The following STK39 variants were observed in gnomAD, a reference collection of about 807,000 sequenced individuals.
STK39 encodes the protein serine/threonine kinase 39.
Under a neutral mutation model 77.8 loss-of-function variants are expected in STK39, and 20 were observed. That is an observed-to-expected ratio of 0.26 (90% CI 0.18 to 0.37). The LOEUF (loss-of-function observed/expected upper bound fraction) is 0.37, where lower values mean the gene tolerates loss of function less well. Ranked by LOEUF, STK39 falls within the 10% of genes least tolerant of loss-of-function variation. STK39 has a pLI of 1.00. For synonymous variants in STK39, 246 were observed against 234.1 expected, an observed-to-expected ratio of 1.05 and a Z score of -0.47; for missense variants, 479 against 656.5, an observed-to-expected ratio of 0.73 and a Z score of 2.95.
intron 5 of STK39, 31 bp from the exon 6 acceptor site, chr2:168,140,789 T>G (rs1023035744): frequency 6.5e-7 from 1 of 1,530,444 alleles, no homozygotes; most frequent in Non-Finnish European, 8.9e-7. Flanking sequence ...ACCTTTATTT[T>G]ATGTAAGACA....
At chr2:168,010,103 A>G (rs1406606993) in intron 16 of STK39, among the ~76,000 whole-genome samples, 1 of 152,248 alleles carries the variant, frequency 6.6e-6, no homozygotes, top group Non-Finnish European at 1.5e-5. Context: ...ACCTGCCAGG[A>G]TCAACTCCAA....
At position 168,028,938 on chromosome 2, in the gene STK39, G is replaced by A. The variant is rs566768750; in HGVS notation, c.1377-11843C>T. On this transcript the variant is annotated intron_variant, in intron 14 of 17. Transcript: ENST00000355999. The stretch of plus-strand genomic sequence containing the variant: ...TTATACAAACTGAACAGTATATGGC[G>A]AGGTGGGTGGAGCTGCACACATTGG... Among the ~76,000 whole-genome samples, 34 of 152,288 alleles carry A rather than the reference G, an allele frequency of 2.2e-4. No homozygotes were observed. The South Asian group carries it at 6.2e-3, about 28-fold the overall frequency.
chr2:168,023,317 T>G (rs1684614854), intron 14 of STK39, among the ~76,000 whole-genome samples: 1 of 152,012 alleles, frequency 6.6e-6, no homozygotes, highest in Non-Finnish European at 1.5e-5. Flanking sequence ...AGATACAGAT[T>G]GGCGTGCATT....
chr2:168,048,973 G>GC (rs1225136674), intron 14 of STK39, among the ~76,000 whole-genome samples: 4 of 152,220 alleles, frequency 2.6e-5, no homozygotes, highest in Non-Finnish European at 5.9e-5. Context: ...AATGCCTAAT[G>GC]CTATTGACGA....
rs183985275 is a variant in STK39 at position 168,064,579 on chromosome 2, T to G, written c.1305+740A>C. On this transcript the variant is annotated intron_variant, in intron 13 of 17. Coordinates refer to ENST00000355999, the MANE Select transcript of STK39 (RefSeq NM_013233.3). ...CCAACAAAATCACTCTAATTATCTC[T>G]CCAATATATGGCTATTTTATAAAAC... Among the ~76,000 whole-genome samples the G allele has an allele frequency of 3.2e-3, 481 of 152,230 alleles. 2 individuals carry two copies. Among genetic ancestry groups the G allele is most frequent in the African/African-American group, 0.01 (436 of 41,536 alleles).
intron 2 of STK39, among the ~76,000 whole-genome samples, chr2:168,170,957 G>A (rs1217807153): frequency 3.3e-5 from 5 of 152,192 alleles, no homozygotes. Context: ...TCAAAGATGG[G>A]AGAAACTACA....
At chr2:168,037,626 A>G (rs565426817) in intron 14 of STK39, among the ~76,000 whole-genome samples, 2 of 152,352 alleles carry the variant, frequency 1.3e-5, no homozygotes, top group South Asian at 4.1e-4. Context: ...AAAAATTACC[A>G]CAAGATACAA....
intron 14 of STK39, among the ~76,000 whole-genome samples, chr2:168,056,951 G>C (rs1475289723): frequency 6.6e-6 from 1 of 152,160 alleles, no homozygotes; most frequent in African/African-American, 2.4e-5. Context: ...GTGTGGCAGG[G>C]AACAATACTG....
chr2:168,187,920 C>A (rs1436424688), intron 1 of STK39, among the ~76,000 whole-genome samples: 2 of 151,982 alleles, frequency 1.3e-5, no homozygotes, highest in African/African-American at 4.8e-5. Flanking sequence ...TTAGTTATGG[C>A]CCCTGGAAGG....
At chr2:168,133,203 T>TG (rs1356393988) in intron 8 of STK39, among the ~76,000 whole-genome samples, 1 of 152,148 alleles carries the variant, frequency 6.6e-6, no homozygotes, top group African/African-American at 2.4e-5. Context: ...GATACGGGGC[T>TG]GGGAAAATAC....
At position 168,012,614 on chromosome 2, in the gene STK39, C is replaced by T; in HGVS notation, c.1498+20G>A. On this transcript the variant is annotated intron_variant, in intron 16 of 17. Transcript: ENST00000355999. ...TTTATATACCAACAAAATGACAGTG[C>T]ATACTAAAAAACAATTTACCTATAA... 1.9e-6 allele frequency: 3 copies of T among 1,608,266 alleles called. No individual in the cohort carries two copies. The highest frequency in any genetic ancestry group is 2.6e-6 in the Non-Finnish European group (3 of 1,176,220).
chr2:168,004,320 TA>T (rs1425644608), intron 16 of STK39, among the ~76,000 whole-genome samples: 1 of 152,130 alleles, frequency 6.6e-6, no homozygotes, highest in Non-Finnish European at 1.5e-5. Flanking sequence ...AACAGACTCC[TA>T]AAGACAGCAG....
intron 1 of STK39, among the ~76,000 whole-genome samples, chr2:168,235,690 T>A (rs1574581833): frequency 6.9e-6 from 1 of 145,916 alleles, no homozygotes; most frequent in African/African-American, 2.5e-5. Flanking sequence ...CACCTATGAG[T>A]GAGAACATGC....
intron 5 of STK39, among the ~76,000 whole-genome samples, chr2:168,158,289 G>T (rs948816421): frequency 5.3e-5 from 8 of 152,168 alleles, no homozygotes; most frequent in African/African-American, 1.9e-4. Flanking sequence ...CCCTGAGTAG[G>T]CTGTCCTCAG....
chr2:168,230,217 AAAAATC>A (rs1461678969), intron 1 of STK39, among the ~76,000 whole-genome samples: 3 of 152,206 alleles, frequency 2.0e-5, no homozygotes, highest in Non-Finnish European at 4.4e-5. Flanking sequence ...CAAAAAGTAG[AAAAATC>A]TATCTCCTTT....
At chr2:168,025,152 T>A (rs1219432001) in intron 14 of STK39, among the ~76,000 whole-genome samples, 1 of 152,174 alleles carries the variant, frequency 6.6e-6, no homozygotes, top group Non-Finnish European at 1.5e-5. Context: ...GTGTTAATGT[T>A]CCATCCCTCA....
chr2:167,976,043 ACTC>A (rs374978054), intron 16 of STK39, among the ~76,000 whole-genome samples: 4 of 152,042 alleles, frequency 2.6e-5, no homozygotes, highest in African/African-American at 9.7e-5. Flanking sequence ...TCTTAAAAGA[ACTC>A]CTCAAAAAAC....
chr2:167,997,472 A>T (rs903656410), intron 16 of STK39, among the ~76,000 whole-genome samples: 1 of 152,174 alleles, frequency 6.6e-6, no homozygotes, highest in African/African-American at 2.4e-5. Flanking sequence ...GTAATCCAGT[A>T]ATTCTCATAA....
At chr2:168,019,384 C>A (rs989411976) in intron 14 of STK39, among the ~76,000 whole-genome samples, 1 of 152,122 alleles carries the variant, frequency 6.6e-6, no homozygotes, top group Non-Finnish European at 1.5e-5. Context: ...CTCACTGTGC[C>A]TAATTTATAA....
Sources: gnomAD v4.1 joint callset for allele counts (sites outside exome capture counted in the v4.1 genomes callset) on GRCh38, gnomAD v4.1.1 for gene constraint, MANE v1.5 for transcripts, NCBI Gene and HGNC (gene_info 2026-07-23, HGNC 2026-07-21) for gene names.